The following CD200 variants were observed in gnomAD, a reference collection of about 807,000 sequenced individuals.
CD200 encodes CD200 molecule, also known as OX-2 membrane glycoprotein.
CD200 carries 15 observed loss-of-function variants against 30.9 expected under a neutral mutation model. That is an observed-to-expected ratio of 0.49 (90% CI 0.32 to 0.75). CD200 has a LOEUF of 0.75. Among genes scored for constraint, CD200 ranks in the 30% least tolerant of loss-of-function variants. CD200 has a pLI of 0.03. For synonymous variants in CD200, 134 were observed against 126.2 expected (o/e 1.06, Z -0.41); for missense variants, 262 against 324.2 (o/e 0.81, Z 1.47).
At chr3:112,359,014 G>A (rs1576628932) in intron 5 of CD200, among the ~76,000 whole-genome samples, 1 of 152,204 alleles carries the variant, frequency 6.6e-6, no homozygotes, top group African/African-American at 2.4e-5. Context: ...CAAGTGTCCT[G>A]TGTTTTTGCA....
chr3:112,334,164 T>TTACACA, intron 1 of CD200: 1 of 985,340 alleles, frequency 1.0e-6, no homozygotes, highest in Non-Finnish European at 1.2e-6. Context: ...TTACCTCGTT[T>TTACACA]TACACATAAA....
intron 1 of CD200, 199 bp downstream of exon 1, chr3:112,333,423 G>A (rs2081042027): frequency 1.0e-6 from 1 of 985,304 alleles, no homozygotes; most frequent in Non-Finnish European, 1.2e-6. Context: ...GCCTTCCAAA[G>A]GGTGGTTTAC....
chr3:112,337,785 C>T (rs2081152053), intron 1 of CD200, among the ~76,000 whole-genome samples: 1 of 152,068 alleles, frequency 6.6e-6, no homozygotes, highest in South Asian at 2.1e-4. Flanking sequence ...CCCTTGGGAC[C>T]CATGGGGGCT....
chr3:112,334,345 G>T (rs764838849), intron 1 of CD200: 4 of 624,798 alleles, frequency 6.4e-6, no homozygotes, highest in Non-Finnish European at 8.0e-6. Context: ...CATGGCAAGG[G>T]TTATAAGTGG....
chr3:112,349,873 T>C (rs2081498054), intron 5 of CD200, 54 bp downstream of exon 5: 5 of 1,532,946 alleles, frequency 3.3e-6, no homozygotes, highest in Non-Finnish European at 4.4e-6. Context: ...TGATTTTTAA[T>C]GACAATTTGT....
At chr3:112,344,264 T>C (rs994839078) in intron 2 of CD200, among the ~76,000 whole-genome samples, 1 of 152,204 alleles carries the variant, frequency 6.6e-6, no homozygotes, top group Non-Finnish European at 1.5e-5. Context: ...GGCTATTTGT[T>C]TTTATGTTGA....
chr3:112,334,076 G>T (rs76246431), intron 1 of CD200: 7 of 985,284 alleles, frequency 7.1e-6, no homozygotes, highest in Non-Finnish European at 8.4e-6. Flanking sequence ...AAAGGAGAAT[G>T]GTGGTCTGTG....
At chr3:112,342,390 T>C (rs1298102114) in intron 2 of CD200, among the ~76,000 whole-genome samples, 180 of 59,700 alleles carry the variant, frequency 3.0e-3, no homozygotes, top group South Asian at 6.6e-3. Context: ...TCTTTCTTTC[T>C]TTCTTTCTTT....
At chr3:112,360,107 C>A (rs1055253275) in intron 5 of CD200, among the ~76,000 whole-genome samples, 1 of 152,140 alleles carries the variant, frequency 6.6e-6, no homozygotes, top group Non-Finnish European at 1.5e-5. Flanking sequence ...GCAGGCAGAT[C>A]ACCTGAGGTC....
chr3:112,355,361 T>C (rs947939885), intron 5 of CD200, among the ~76,000 whole-genome samples: 1 of 152,212 alleles, frequency 6.6e-6, no homozygotes, highest in Non-Finnish European at 1.5e-5. Flanking sequence ...TCCCTTGTTT[T>C]CTATCACTAA....
At chr3:112,332,908 ATGGAAAAAAAAAAATGATTTTTTT>A, upstream of CD200, 1 of 430,956 alleles carries the variant, frequency 2.3e-6, no homozygotes, top group South Asian at 2.5e-5. Flanking sequence ...TAGCAGGAAA[ATGGAAAAAAAAAAATGATTTTTTT>A]TTTCCAAACA....
chr3:112,342,268 A>C (rs2081254380), intron 2 of CD200, among the ~76,000 whole-genome samples: 1 of 120,888 alleles, frequency 8.3e-6, no homozygotes, highest in Non-Finnish European at 1.8e-5. Context: ...TTCTCTGAGA[A>C]CTGTCCTTCC....
rs547699945 is a variant in CD200, at chr3:112,355,772, G to A, written c.803-5771G>A. Among the ~76,000 whole-genome samples the A allele has an allele frequency of 3.9e-5, 6 of 152,056 alleles. No homozygotes were observed. In the South Asian group the frequency reaches 1.2e-3, roughly 32 times the overall value. ...ATTTCAGCAGCCCAGATGCAGTAGA[G>A]CAGTTCTTCCACTAACAATTTTTTT... On this transcript the variant is annotated intron_variant, in intron 5 of 5. Coordinates refer to ENST00000315711, the MANE Select transcript of CD200 (RefSeq NM_005944.7).
At chr3:112,352,274 T>C (rs184294466) in intron 5 of CD200, among the ~76,000 whole-genome samples, 3 of 152,288 alleles carry the variant, frequency 2.0e-5, no homozygotes, top group Admixed American at 6.5e-5. Context: ...CAGAAAATCA[T>C]AGAAGATAGT....
chr3:112,339,247 G>A (rs1156348321), intron 1 of CD200, among the ~76,000 whole-genome samples: 1 of 152,056 alleles, frequency 6.6e-6, no homozygotes, highest in Non-Finnish European at 1.5e-5. Context: ...CCTTAGAGAA[G>A]GAATACTAAG....
chr3:112,345,849 A>G (rs557565334), intron 3 of CD200, among the ~76,000 whole-genome samples: 1 of 152,328 alleles, frequency 6.6e-6, no homozygotes, highest in Admixed American at 6.5e-5. Flanking sequence ...ATGCCAACTA[A>G]AGATATAACT....
intron 5 of CD200, among the ~76,000 whole-genome samples, chr3:112,351,317 C>A (rs2081527323): frequency 6.6e-6 from 1 of 152,086 alleles, no homozygotes; most frequent in Non-Finnish European, 1.5e-5. Flanking sequence ...CTGTCTATGC[C>A]CTTTTCTTTT....
At chr3:112,349,610 G>A in intron 4 of CD200, 102 bp from the exon 5 acceptor site, 3 of 772,588 alleles carry the variant, frequency 3.9e-6, no homozygotes, top group Non-Finnish European at 6.0e-6. Flanking sequence ...ACCTACATAT[G>A]TATGTATTTA....
chr3:112,338,254 A>G (rs2081163331), intron 1 of CD200, among the ~76,000 whole-genome samples: 1 of 152,210 alleles, frequency 6.6e-6, no homozygotes, highest in South Asian at 2.1e-4. Flanking sequence ...GACTAATTCC[A>G]TATCTAGGTA....
Sources: allele counts gnomAD v4.1 joint callset (sites outside exome capture counted in the v4.1 genomes callset), GRCh38; gene constraint gnomAD v4.1.1; transcripts MANE v1.5; gene names NCBI Gene and HGNC (gene_info 2026-07-23, HGNC 2026-07-21).